BANK1: variants seen among roughly 807,000 people sequenced by gnomAD.
The protein encoded by BANK1 is B-cell scaffold protein with ankyrin repeats.
BANK1 carries 95 observed loss-of-function variants against 94.5 expected under a neutral mutation model. That is an observed-to-expected ratio of 1.00 (90% CI 0.85 to 1.19). The LOEUF is 1.19. Ranked by LOEUF, BANK1 falls within the 50% of genes most tolerant of loss-of-function variation. BANK1 has a pLI of 0.00. For synonymous variants in BANK1, 334 were observed against 308.4 expected (o/e 1.08, Z -0.87); for missense variants, 987 against 932.2 (o/e 1.06, Z -0.77).
intron 7 of BANK1, among the ~76,000 whole-genome samples, chr4:101,925,803 C>T (rs912967585): frequency 4.0e-5 from 6 of 151,730 alleles, no homozygotes; most frequent in Admixed American, 2.6e-4. Context: ...TTCTTTCAAA[C>T]CAATTAGCTT....
At chr4:101,954,840 T>C (rs1207505898) in intron 7 of BANK1, among the ~76,000 whole-genome samples, 1 of 152,168 alleles carries the variant, frequency 6.6e-6, no homozygotes, top group Non-Finnish European at 1.5e-5. Context: ...CAAAAAGGAA[T>C]CTTTTACTGC....
chr4:101,968,286 C>T (rs969910293), intron 7 of BANK1, among the ~76,000 whole-genome samples: 1 of 151,962 alleles, frequency 6.6e-6, no homozygotes, highest in African/African-American at 2.4e-5. Flanking sequence ...TATAAGGAAG[C>T]CACAAAATTG....
intron 13 of BANK1, among the ~76,000 whole-genome samples, chr4:102,064,528 C>A (rs1346431991): frequency 6.6e-6 from 1 of 152,050 alleles, no homozygotes; most frequent in Non-Finnish European, 1.5e-5. Flanking sequence ...CCCTGAGAAA[C>A]TGAAAAATTA....
At chr4:101,843,385 G>T (rs1444918473) in intron 2 of BANK1, among the ~76,000 whole-genome samples, 1 of 152,104 alleles carries the variant, frequency 6.6e-6, no homozygotes, top group African/African-American at 2.4e-5. Flanking sequence ...TGCTCAAAAT[G>T]CATTCAGGCA....
rs1055562651 is a variant in BANK1 at position 102,025,362 on chromosome 4, C to T, written c.1447C>T (p.Gln483Ter). 3 of 1,613,948 alleles carry T rather than the reference C, an allele frequency of 1.9e-6. No homozygotes were observed. The African/African-American group carries it at 4.0e-5, about 22-fold the overall frequency. ...LEVGSESSEDQYDDLYVFIPG... is the reference protein window; with the variant it reads ...LEVGSESSED ...GGTTGGCAGTGAGAGTTCTGAAGAC[C>T]AGTATGATGACTTGTATGTGTTCAT... Residue 483 changes from glutamine to a stop codon, truncating the protein, a stop_gained, in exon 9 of 17, where the codon CAG becomes TAG. Transcript: ENST00000322953. LOFTEE classifies it high-confidence loss of function.
intron 7 of BANK1, among the ~76,000 whole-genome samples, chr4:101,937,152 C>T (rs1723593630): frequency 6.6e-6 from 1 of 151,742 alleles, no homozygotes; most frequent in Non-Finnish European, 1.5e-5. Flanking sequence ...ATTTGCAACA[C>T]CATAGACAGA....
intron 2 of BANK1, among the ~76,000 whole-genome samples, chr4:101,850,393 T>G (rs944676879): frequency 4.2e-4 from 64 of 152,054 alleles, no homozygotes; most frequent in African/African-American, 1.5e-3. Context: ...TGTCTCAGCC[T>G]CCCAAGTAGC....
chr4:101,862,309 A>G (rs1460485625), intron 3 of BANK1, among the ~76,000 whole-genome samples: 2 of 152,086 alleles, frequency 1.3e-5, no homozygotes, highest in African/African-American at 2.4e-5. Flanking sequence ...ATTAGAGGGA[A>G]AAAAAGAGCG....
intron 1 of BANK1, among the ~76,000 whole-genome samples, chr4:101,827,060 G>A (rs1174761477): frequency 6.6e-6 from 1 of 151,728 alleles, no homozygotes; most frequent in African/African-American, 2.4e-5. Context: ...TGATAATACT[G>A]TACAAACTGA....
intron 7 of BANK1, among the ~76,000 whole-genome samples, chr4:101,986,787 GTGTATATATATGTGTATATATA>G (rs56221172): frequency 0.061 from 5,451 of 88,834 alleles, 531 homozygotes; most frequent in African/African-American, 0.095. Flanking sequence ...TTATATATGT[GTGTATATATATGTGTATATATA>G]TGTATATATA....
intron 1 of BANK1, among the ~76,000 whole-genome samples, chr4:101,804,598 G>A (rs921433427): frequency 2.0e-5 from 3 of 152,120 alleles, no homozygotes; most frequent in Admixed American, 6.5e-5. Flanking sequence ...AGCTGCAGTT[G>A]CCCACCATTT....
chr4:102,025,588 CA>C, intron 9 of BANK1, 79 bp downstream of exon 9: 1 of 1,319,736 alleles, frequency 7.6e-7, no homozygotes. Flanking sequence ...AGTGCAGTGG[CA>C]AATCTATACA....
At chr4:101,899,901 C>T (rs1346943807) in intron 6 of BANK1, among the ~76,000 whole-genome samples, 5 of 152,130 alleles carry the variant, frequency 3.3e-5, no homozygotes, top group African/African-American at 2.4e-5. Flanking sequence ...TCTAACACTG[C>T]GAAGCATAGG....
In BANK1 at chr4:101,954,605, C is replaced by CA. The variant is rs901952195; in HGVS notation, c.1206+36424dup. 2.6e-5 allele frequency among the ~76,000 whole-genome samples: 4 copies of CA among 151,278 alleles called. No homozygotes were observed. The East Asian group carries it at 5.8e-4, about 22-fold the overall frequency. ...AGCACTTGGAGGGCTGGCATGCTGA[C>CA]AAAAAAAATGTACCAAGATAATAGT... On this transcript the variant is annotated intron_variant, in intron 7 of 16. Coordinates refer to ENST00000322953, the MANE Select transcript of BANK1 (RefSeq NM_017935.5).
At chr4:101,945,392 T>C (rs1384648388) in intron 7 of BANK1, among the ~76,000 whole-genome samples, 1 of 151,962 alleles carries the variant, frequency 6.6e-6, no homozygotes, top group Admixed American at 6.6e-5. Flanking sequence ...TTCCAGGAAA[T>C]ATGCTATTCA....
At chr4:101,860,336 GAGTGCCTCA>G (rs1274570521) in intron 3 of BANK1, among the ~76,000 whole-genome samples, 1 of 152,148 alleles carries the variant, frequency 6.6e-6, no homozygotes, top group African/African-American at 2.4e-5. Flanking sequence ...ATGAAGATGT[GAGTGCCTCA>G]TTTGGGGTGG....
intron 7 of BANK1, among the ~76,000 whole-genome samples, chr4:101,957,815 TGTTTTTGTTTTTTG>T (rs1472401749): frequency 7.3e-6 from 1 of 136,818 alleles, no homozygotes; most frequent in African/African-American, 2.5e-5. Flanking sequence ...GTTGTTGTTG[TGTTTTTGTTTTTTG>T]TTTTTTGTTT....
At chr4:101,792,452 T>G (rs1016776419) in intron 1 of BANK1, among the ~76,000 whole-genome samples, 1 of 101,852 alleles carries the variant, frequency 9.8e-6, no homozygotes, top group African/African-American at 3.0e-5. Context: ...TGTGTGTGTG[T>G]GTGTGTGTGT....
intron 5 of BANK1, among the ~76,000 whole-genome samples, chr4:101,886,845 T>G (rs1193537495): frequency 3.3e-5 from 5 of 152,156 alleles, no homozygotes; most frequent in African/African-American, 1.2e-4. Context: ...TTTTATCAGA[T>G]TGTCTTTACA....
Sources: allele counts gnomAD v4.1 joint callset (sites outside exome capture counted in the v4.1 genomes callset), GRCh38; gene constraint gnomAD v4.1.1; transcripts MANE v1.5; gene names NCBI Gene and HGNC (gene_info 2026-07-23, HGNC 2026-07-21).